The following CREB3L4 variants were observed in gnomAD, a reference collection of about 807,000 sequenced individuals.
CREB3L4 encodes the protein cyclic AMP-responsive element-binding protein 3-like protein 4.
In CREB3L4, 28 loss-of-function variants were observed where a neutral mutation model predicts 37.0. That is an observed-to-expected ratio of 0.76 (90% confidence interval 0.56 to 1.04). CREB3L4 has a LOEUF of 1.04. Among genes scored for constraint, CREB3L4 ranks in the 50% least tolerant of loss-of-function variants. The pLI is 0.00. For missense variants in CREB3L4, 462 were observed against 486.0 expected, an observed-to-expected ratio of 0.95 and a Z score of 0.46; for synonymous variants, 175 against 192.2, an observed-to-expected ratio of 0.91 and a Z score of 0.74.
intron 7 of CREB3L4, 41 bp from the exon 8 acceptor site, chr1:153,973,339 G>C (rs1443756266): frequency 6.2e-7 from 1 of 1,611,610 alleles, no homozygotes; most frequent in East Asian, 2.2e-5. Flanking sequence ...CTTGGCCCCT[G>C]GTACCCAGAT....
intron 4 of CREB3L4, among the ~76,000 whole-genome samples, chr1:153,970,955 G>C (rs1334851235): frequency 6.7e-6 from 1 of 148,808 alleles, no homozygotes; most frequent in Non-Finnish European, 1.5e-5. Context: ...ATGTTGGCCA[G>C]GATGGTCTTG....
Position 153,968,532 on chromosome 1 carries a change from C to G in CREB3L4, c.7C>G (p.Leu3Val), listed in dbSNP as rs1433459539. 3.7e-6 allele frequency: 6 copies of G among 1,612,998 alleles called. No homozygotes were observed. Among genetic ancestry groups the G allele is most frequent in the Non-Finnish European group, 5.1e-6 (6 of 1,179,346 alleles). ...CACGCCTTCCTGCAGAAGCATGGAT[C>G]TCGGAATCCCTGACCTGCTGGACGC... The part of the protein sequence containing the change: MD[L>V]GIPDLLDAWL... The change falls in exon 2 of 10, where the codon CTC becomes GTC. Residue 3 changes from leucine (L) to valine (V), a missense_variant. By Grantham distance (32) the Leu-to-Val change is conservative. Transcript: ENST00000368607.
chr1:153,973,495 C>G, intron 8 of CREB3L4, 31 bp downstream of exon 8: 10 of 1,598,152 alleles, frequency 6.3e-6, no homozygotes, highest in African/African-American at 1.3e-5. Context: ...CCCATCTCCC[C>G]CCACACTTCT....
Position 153,971,834 on chromosome 1 carries a change from T to C in CREB3L4, c.544-910T>C, listed in dbSNP as rs536740699. 5.3e-5 allele frequency among the ~76,000 whole-genome samples: 8 copies of C among 152,260 alleles called. No homozygotes were observed. In the South Asian group the frequency reaches 1.0e-3, roughly 20 times the overall value. ...ACAAAATGAAGCATACATCTTTTTT[T>C]TCTTTGAGATGGAGTTTCGCTCTTG... On this transcript the variant is annotated intron_variant, in intron 4 of 9. Coordinates refer to ENST00000368607, the MANE Select transcript of CREB3L4 (RefSeq NM_001255978.2).
At chr1:153,970,547 C>T (rs977705451) in intron 4 of CREB3L4, among the ~76,000 whole-genome samples, 3 of 152,120 alleles carry the variant, frequency 2.0e-5, no homozygotes. Context: ...AGAGGTATCA[C>T]ATTAGATGCC....
rs75242917 is a variant in CREB3L4 at position 153,971,649 on chromosome 1, G to A, written c.544-1095G>A. The stretch of plus-strand genomic sequence containing the variant: ...AAACCCTCTAGGCCTCATTTTCAGT[G>A]ATTTTGATTAGGTGGACTGGAAGAG... On this transcript the variant is annotated intron_variant, in intron 4 of 9. Coordinates refer to ENST00000368607, the MANE Select transcript of CREB3L4 (RefSeq NM_001255978.2). 6.0e-3 allele frequency among the ~76,000 whole-genome samples: 787 copies of A among 131,122 alleles called. 10 individuals are homozygous for A. Among genetic ancestry groups the A allele is most frequent in the African/African-American group, 0.021 (742 of 35,296 alleles). The allele number at this position is 131,122 out of a possible 152,430, so 86.0% of individuals were successfully genotyped here.
At chr1:153,973,569 C>T (rs560535374) in intron 8 of CREB3L4, 51 bp from the exon 9 acceptor site, 46 of 1,573,726 alleles carry the variant, frequency 2.9e-5, no homozygotes, top group African/African-American at 9.4e-5. Flanking sequence ...AGCTGGCCTC[C>T]GTTCACTCTA....
intron 3 of CREB3L4, 56 bp from the exon 4 acceptor site, chr1:153,969,278 G>A (rs767577986): frequency 3.2e-5 from 51 of 1,613,734 alleles, no homozygotes; most frequent in East Asian, 6.7e-5. Context: ...CAGGCCCTGC[G>A]GCTGTCAGGG....
chr1:153,972,351 G>C (rs1648456682), intron 4 of CREB3L4, among the ~76,000 whole-genome samples: 1 of 152,206 alleles, frequency 6.6e-6, no homozygotes, highest in African/African-American at 2.4e-5. Context: ...TCTGCTAAAT[G>C]GAAGTTAATG....
In CREB3L4 at chr1:153,969,162, T is replaced by G; in HGVS notation, c.407T>G (p.Ile136Ser). The G allele has an allele frequency of 6.2e-7, 1 of 1,614,134 alleles. No individual in the cohort carries two copies. The highest frequency in any genetic ancestry group is 8.5e-7 in the Non-Finnish European group (1 of 1,180,026). The stretch of plus-strand genomic sequence containing the variant: ...GAAACTGGGCCAAATGTAGGCCTTA[T>G]CTCCATCCAGCTAGGTCAGTGTTCT... ...QGETGPNVGL[I>S]SIQLDQWSPA... The change falls in exon 3 of 10, where the codon ATC becomes AGC. Residue 136 changes from isoleucine to serine, a missense_variant. Transcript: ENST00000368607.
At position 153,969,144 on chromosome 1, in the gene CREB3L4, G is replaced by A; in HGVS notation, c.389G>A (p.Gly130Glu). Residue 130 changes from glycine to glutamate, a missense_variant, in exon 3 of 10, where the codon GGG (glycine) becomes GAG (glutamate). Transcript: ENST00000368607. Reference sequence around the variant, plus strand: ...CTGGAGAGGATGCAGGGGGAAACTGGGCCAAATGTAGGCCTTATCTCCATC... The same window carrying A: ...CTGGAGAGGATGCAGGGGGAAACTGAGCCAAATGTAGGCCTTATCTCCATC... ...GALERMQGET[G>E]PNVGLISIQL... 2 of 1,614,162 alleles carry A rather than the reference G, an allele frequency of 1.2e-6. No homozygotes were observed. Among genetic ancestry groups the A allele is most frequent in the Non-Finnish European group, 8.5e-7 (1 of 1,180,042 alleles).
rs750074199 is a variant in CREB3L4 at position 153,973,063 on chromosome 1, A to G, written c.728A>G (p.Asp243Gly). The G allele has an allele frequency of 1.9e-6, 3 of 1,614,074 alleles. No individual in the cohort carries two copies. The highest frequency in any genetic ancestry group is 2.5e-6 in the Non-Finnish European group (3 of 1,180,002). The change falls in exon 6 of 10, where the codon GAT becomes GGT. Residue 243 changes from aspartate to glycine, a missense_variant. Coordinates refer to ENST00000368607, the MANE Select transcript of CREB3L4 (RefSeq NM_001255978.2). Reference protein sequence around the residue: ...DSRRRKKEYIDGLESRVAACS... With the variant: ...DSRRRKKEYIGGLESRVAACS... ...CGGCGGCGGAAGAAGGAGTACATTGATGGGCTGGAGAGCAGGTACGCCTGG... is the reference window on the plus strand; with the variant it reads ...CGGCGGCGGAAGAAGGAGTACATTGGTGGGCTGGAGAGCAGGTACGCCTGG...
Position 153,974,040 on chromosome 1 carries a change from C to T in CREB3L4, c.1163C>T (p.Ser388Phe). 1 of 1,613,910 alleles carries T rather than the reference C, an allele frequency of 6.2e-7. No homozygotes were observed. The highest frequency in any genetic ancestry group is 8.5e-7 in the Non-Finnish European group (1 of 1,179,966). ...CCAAGACCCAGTGGGCGCATCCGGT[C>T]CGTGCTGCATGCAGATGAGATGTGA... ...GKPRPSGRIRSVLHADEM is the reference protein window; with the variant it reads ...GKPRPSGRIRFVLHADEM Residue 388 changes from serine (S) to phenylalanine (F), a missense_variant, in exon 10 of 10, where the codon TCC (serine) becomes TTC (phenylalanine). Transcript: ENST00000368607.
At chr1:153,971,204 C>A (rs1372985620) in intron 4 of CREB3L4, among the ~76,000 whole-genome samples, 1 of 150,938 alleles carries the variant, frequency 6.6e-6, no homozygotes, top group East Asian at 2.0e-4. Context: ...CCCATCTCTA[C>A]TAAAAATGCA....
At chr1:153,968,861 T>C in intron 2 of CREB3L4, 69 bp from the exon 3 acceptor site, 1 of 1,539,616 alleles carries the variant, frequency 6.5e-7, no homozygotes. Context: ...GGACTGAAAA[T>C]GAAGCATAAG....
At chr1:153,972,702 C>T (rs2102174280) in intron 4 of CREB3L4, 42 bp from the exon 5 acceptor site, 1 of 1,528,750 alleles carries the variant, frequency 6.5e-7, no homozygotes, top group Non-Finnish European at 9.0e-7. Context: ...GGGATGACCC[C>T]CTCCTCACTC....
chr1:153,969,645 C>G (rs1648151140), intron 4 of CREB3L4, 190 bp downstream of exon 4: 1 of 597,900 alleles, frequency 1.7e-6, no homozygotes, highest in Admixed American at 3.1e-5. Flanking sequence ...GGGTCTTACT[C>G]TGTCATCCAG....
At chr1:153,968,773 G>A in intron 2 of CREB3L4, 74 bp downstream of exon 2, 1 of 1,588,764 alleles carries the variant, frequency 6.3e-7, no homozygotes, top group Non-Finnish European at 8.6e-7. Flanking sequence ...CTCCCACTTG[G>A]AGACAGGTCT....
At chr1:153,970,764 T>TA (rs1553212615) in intron 4 of CREB3L4, among the ~76,000 whole-genome samples, 8 of 146,318 alleles carry the variant, frequency 5.5e-5, no homozygotes, top group Non-Finnish European at 1.1e-4. Flanking sequence ...TTTTTTTTTT[T>TA]AGACAGAGTC....
Sources: gnomAD v4.1 joint callset for allele counts (sites outside exome capture counted in the v4.1 genomes callset) on GRCh38, gnomAD v4.1.1 for gene constraint, MANE v1.5 for transcripts, NCBI Gene and HGNC (gene_info 2026-07-23, HGNC 2026-07-21) for gene names.